Variants in FAM171A1 observed in about 807,000 individuals in gnomAD.
The protein encoded by FAM171A1 is family with sequence similarity 171 member A1.
A neutral mutation model predicts 74.9 loss-of-function variants in FAM171A1; 23 were observed. The ratio of observed to expected loss-of-function variants is 0.31; its 90% CI spans 0.22 to 0.44. The LOEUF (loss-of-function observed/expected upper bound fraction) is 0.44. Among genes scored for constraint, FAM171A1 ranks in the 20% least tolerant of loss-of-function variants. The probability of loss-of-function intolerance (pLI) is 1.00; values close to 1 mark genes in which losing one functional copy is unlikely to be tolerated. For missense variants in FAM171A1, 1,162 were observed against 1,159.2 expected (o/e 1.00, Z -0.03); for synonymous variants, 527 against 505.7 (o/e 1.04, Z -0.57).
intron 3 of FAM171A1, among the ~76,000 whole-genome samples, chr10:15,265,247 G>T (rs1017084895): frequency 4.6e-5 from 7 of 151,838 alleles, no homozygotes; most frequent in Non-Finnish European, 2.9e-5. Context: ...GTACTCGTGT[G>T]TGTGCGTGTG....
intron 5 of FAM171A1, among the ~76,000 whole-genome samples, chr10:15,245,962 A>G (rs1298883052): frequency 6.6e-6 from 1 of 152,008 alleles, no homozygotes; most frequent in Non-Finnish European, 1.5e-5. Context: ...TTCTTTATCC[A>G]TTTTCTTCCT....
chr10:15,318,913 A>G (rs1025524212), intron 1 of FAM171A1, among the ~76,000 whole-genome samples: 7 of 152,130 alleles, frequency 4.6e-5, no homozygotes, highest in African/African-American at 1.2e-4. Context: ...CAAGAGGGAA[A>G]CTCAGGCCTG....
At chr10:15,312,671 GTGTTTTTTT>G (rs1835374592) in intron 1 of FAM171A1, among the ~76,000 whole-genome samples, 1 of 51,882 alleles carries the variant, frequency 1.9e-5, no homozygotes, top group African/African-American at 7.4e-5. Context: ...TCAGCACTGT[GTGTTTTTTT>G]TTTTTTTTTT....
chr10:15,353,540 A>G (rs548231731), intron 1 of FAM171A1, among the ~76,000 whole-genome samples: 6 of 152,348 alleles, frequency 3.9e-5, no homozygotes, highest in Admixed American at 2.0e-4. Flanking sequence ...TCTCATGAGC[A>G]TTGAAGCAAG....
intron 1 of FAM171A1, among the ~76,000 whole-genome samples, chr10:15,333,055 G>A (rs1379182814): frequency 6.6e-6 from 1 of 152,148 alleles, no homozygotes; most frequent in Non-Finnish European, 1.5e-5. Context: ...AGGAGGAATG[G>A]CTTGCCCTTT....
intron 1 of FAM171A1, among the ~76,000 whole-genome samples, chr10:15,331,153 C>T (rs4748161): frequency 0.98 from 149,956 of 152,250 alleles, 73,878 homozygotes; most frequent in East Asian, 1. Context: ...CCTCCCAAAG[C>T]GCTGGGATTA....
At chr10:15,245,848 C>T (rs535969834) in intron 5 of FAM171A1, among the ~76,000 whole-genome samples, 2 of 152,338 alleles carry the variant, frequency 1.3e-5, no homozygotes, top group Admixed American at 6.5e-5. Flanking sequence ...GTAATTTGCC[C>T]AAGGTGGGAC....
intron 1 of FAM171A1, among the ~76,000 whole-genome samples, chr10:15,325,885 TC>T (rs1270470844): frequency 6.6e-6 from 1 of 152,152 alleles, no homozygotes; most frequent in African/African-American, 2.4e-5. Context: ...CTCTGCCAAG[TC>T]CATCATCCTG....
intron 4 of FAM171A1, among the ~76,000 whole-genome samples, chr10:15,251,981 C>T (rs576064587): frequency 1.3e-5 from 2 of 152,284 alleles, no homozygotes; most frequent in African/African-American, 4.8e-5. Flanking sequence ...TCACTCGTCA[C>T]GTGACAGGTT....
intron 1 of FAM171A1, among the ~76,000 whole-genome samples, chr10:15,309,756 A>C (rs1273837107): frequency 1.3e-5 from 2 of 152,252 alleles, no homozygotes; most frequent in Non-Finnish European, 2.9e-5. Flanking sequence ...GACTTGCAGG[A>C]AATCTGCATT....
chr10:15,309,292 C>T (rs185482943), intron 1 of FAM171A1, among the ~76,000 whole-genome samples: 20 of 152,338 alleles, frequency 1.3e-4, no homozygotes, highest in African/African-American at 4.3e-4. Context: ...CACGCAGCCT[C>T]GGCCTCCCAG....
intron 1 of FAM171A1, among the ~76,000 whole-genome samples, chr10:15,329,485 G>T (rs1368230498): frequency 2.0e-5 from 3 of 152,068 alleles, no homozygotes; most frequent in Admixed American, 2.0e-4. Flanking sequence ...AATTAGCCAG[G>T]CACACCTGTG....
Position 15,213,116 on chromosome 10 carries a change from A to G in FAM171A1, c.2472T>C (p.Ser824=). 1.2e-6 allele frequency: 2 copies of G among 1,613,572 alleles called. No individual in the cohort carries two copies. Among genetic ancestry groups the G allele is most frequent in the Non-Finnish European group, 1.7e-6 (2 of 1,179,806 alleles). Residue 824 remains serine, a synonymous_variant, in exon 8 of 8, where the codon AGT becomes AGC. Transcript: ENST00000378116. This position sits in a 1 kb window ranked among gnomAD's most constrained non-coding sequence, Gnocchi z 6.8. ...CCTGCAGGCTGGGCAGCTGGCCACC[A>G]CTTCTCCGACTCGACCCCTCCAACA... ...RCLLEGSSRR[S]GGQLPSLQEE... is the part of the protein sequence containing the mutation.
intron 6 of FAM171A1, among the ~76,000 whole-genome samples, chr10:15,220,687 T>C (rs1417862441): frequency 6.6e-6 from 1 of 152,144 alleles, no homozygotes; most frequent in Non-Finnish European, 1.5e-5. Flanking sequence ...GAATTCCCTA[T>C]GGCAGCTGTC....
chr10:15,216,340 A>G (rs1025499756), intron 6 of FAM171A1, among the ~76,000 whole-genome samples: 2 of 152,250 alleles, frequency 1.3e-5, no homozygotes, highest in Non-Finnish European at 1.5e-5. Context: ...GAATACTCAA[A>G]GACAAGATGT....
upstream of FAM171A1, among the ~76,000 whole-genome samples, chr10:15,372,365 G>T (rs1191715780): frequency 2.6e-5 from 4 of 152,270 alleles, no homozygotes; most frequent in African/African-American, 9.6e-5. Context: ...TAATAAAACA[G>T]TCAGTCTGAC....
intron 3 of FAM171A1, among the ~76,000 whole-genome samples, chr10:15,266,917 G>GAGGCC (rs2131785864): frequency 6.6e-6 from 1 of 151,812 alleles, no homozygotes; most frequent in East Asian, 1.9e-4. Flanking sequence ...CCATATCCCG[G>GAGGCC]AGGCCAGGGA....
chr10:15,219,781 C>T (rs1248237711), intron 6 of FAM171A1, among the ~76,000 whole-genome samples: 1 of 152,148 alleles, frequency 6.6e-6, no homozygotes, highest in Non-Finnish European at 1.5e-5. Flanking sequence ...GGGGTTTCAC[C>T]ATGTTAGCCA....
intron 5 of FAM171A1, among the ~76,000 whole-genome samples, chr10:15,245,139 C>G (rs111517209): frequency 0.082 from 12,471 of 152,006 alleles, 565 homozygotes; most frequent in Middle Eastern, 0.18. Flanking sequence ...TATCTTGGCC[C>G]ACCTCAACCT....
Sources: allele counts gnomAD v4.1 joint callset (sites outside exome capture counted in the v4.1 genomes callset), GRCh38; gene constraint gnomAD v4.1.1; non-coding constraint Gnocchi (gnomAD v3.1); transcripts MANE v1.5; gene names NCBI Gene and HGNC (gene_info 2026-07-23, HGNC 2026-07-21).